The following FGF13 variants were observed in gnomAD, a reference collection of about 807,000 sequenced individuals.
The protein encoded by FGF13 is fibroblast growth factor homologous factor 2.
Under a neutral mutation model 19.5 loss-of-function variants are expected in FGF13, and 2 were observed. That is an observed-to-expected ratio of 0.10 (90% CI 0.04 to 0.32). The LOEUF (loss-of-function observed/expected upper bound fraction) is 0.32. Ranked by LOEUF, FGF13 falls within the 10% of genes least tolerant of loss-of-function variation. The pLI is 1.00. For missense variants in FGF13, 113 were observed against 192.7 expected, an observed-to-expected ratio of 0.59 and a Z score of 2.45; for synonymous variants, 72 against 76.9, an observed-to-expected ratio of 0.94 and a Z score of 0.33.
At position 138,627,996 on chromosome X, in the gene FGF13, A is replaced by T. The variant is rs1015367433; in HGVS notation, c.*4854T>A. On this transcript the variant is annotated 3_prime_UTR_variant, in exon 5 of 5. Transcript: ENST00000315930. Reference sequence around the variant, plus strand: ...TAGATTATTGTTCTCTGTGCAACAAATTCAAACCAACCTCTAAAGAGTAAC... The same window carrying T: ...TAGATTATTGTTCTCTGTGCAACAATTTCAAACCAACCTCTAAAGAGTAAC... The T allele has an allele frequency of 1.8e-5, 2 of 111,947 alleles. No individual in the cohort carries two copies. The highest frequency in any genetic ancestry group is 3.8e-5 in the Non-Finnish European group (2 of 53,268). 9.2% of individuals were successfully genotyped at this position (111,947 alleles called of 1,213,427 possible).
intron 1 of FGF13, among the ~76,000 whole-genome samples, chrX:139,180,498 T>C (rs1486135374): frequency 8.9e-6 from 1 of 112,117 alleles, no homozygotes; most frequent in Non-Finnish European, 1.9e-5. Context: ...TCTGAAATAT[T>C]ACAAATTATT....
chrX:138,719,940 G>C lies in FGF13; in HGVS notation c.29-11012C>G, dbSNP rs751868587. On this transcript the variant is annotated intron_variant, in intron 1 of 4. Transcript: ENST00000305414. ...TGATTTCATTTTAGAGAAGAGATCTGAGGCAAGAGAAGTTGAATACATTTG... is the reference window on the plus strand; with the variant it reads ...TGATTTCATTTTAGAGAAGAGATCTCAGGCAAGAGAAGTTGAATACATTTG... 3.2e-3 allele frequency among the ~76,000 whole-genome samples: 356 copies of C among 112,995 alleles called. 1 individual carries two copies. The highest frequency in any genetic ancestry group is 5.4e-3 in the Non-Finnish European group (287 of 53,335).
At chrX:139,187,053 C>T (rs1182052875) in intron 1 of FGF13, among the ~76,000 whole-genome samples, 1 of 112,974 alleles carries the variant, frequency 8.9e-6, no homozygotes, top group Non-Finnish European at 1.9e-5. Flanking sequence ...CAGGGACACT[C>T]TGTAGCTTGG....
At chrX:138,699,775 A>G (rs890182549) in intron 3 of FGF13, among the ~76,000 whole-genome samples, 1 of 111,911 alleles carries the variant, frequency 8.9e-6, no homozygotes, top group African/African-American at 3.3e-5. Flanking sequence ...ATATTTTCAT[A>G]ACTATTTCCA....
chrX:139,037,617 T>C (rs974364557), intron 1 of FGF13, among the ~76,000 whole-genome samples: 10 of 111,674 alleles, frequency 9.0e-5, no homozygotes, highest in Middle Eastern at 4.3e-3. Context: ...TTTGCATTCC[T>C]TGGCTCATAG....
At chrX:139,056,405 T>G (rs901311457) in intron 1 of FGF13, among the ~76,000 whole-genome samples, 1 of 112,048 alleles carries the variant, frequency 8.9e-6, no homozygotes, top group African/African-American at 3.2e-5. Context: ...AGGGCAGTCA[T>G]CACAAAATAA....
rs944296607 is a variant in FGF13 at position 138,629,146 on chromosome X, A to G, written c.*3704T>C. 1 of 111,766 alleles carries G rather than the reference A, an allele frequency of 8.9e-6. No individual in the cohort carries two copies. The highest frequency in any genetic ancestry group is 1.9e-5 in the Non-Finnish European group (1 of 53,188). The allele number at this position is 111,766 out of a possible 1,213,427, so 9.2% of individuals were successfully genotyped here. A position where few individuals can be genotyped will look rare whatever the true frequency, so the allele number is the denominator to read the frequency against. The stretch of plus-strand genomic sequence containing the variant: ...AGGCCAAGCTTAAAACAAAAGAAGC[A>G]TATAAAACACCACAGGTGATTCAGG... On this transcript the variant is annotated 3_prime_UTR_variant, in exon 5 of 5. Transcript: ENST00000315930.
intron 1 of FGF13, among the ~76,000 whole-genome samples, chrX:139,148,188 A>G (rs1175080727): frequency 9.0e-6 from 1 of 111,157 alleles, no homozygotes; most frequent in Non-Finnish European, 1.9e-5. Flanking sequence ...AAGGAAAATG[A>G]GAGACAGAAG....
intron 1 of FGF13, among the ~76,000 whole-genome samples, chrX:139,064,087 A>G (rs1405590326): frequency 9.0e-6 from 1 of 110,659 alleles, no homozygotes; most frequent in Admixed American, 9.7e-5. Context: ...TGTATCATTA[A>G]GTAATGTCCT....
At chrX:138,949,153 G>C (rs937506362) in intron 1 of FGF13, among the ~76,000 whole-genome samples, 2 of 111,882 alleles carry the variant, frequency 1.8e-5, no homozygotes. Flanking sequence ...ATCTGGAAAA[G>C]ACATTATATT....
chrX:139,080,297 A>G (rs2083362077), intron 1 of FGF13, among the ~76,000 whole-genome samples: 1 of 111,463 alleles, frequency 9.0e-6, no homozygotes, highest in Non-Finnish European at 1.9e-5. Context: ...GGTAACATAC[A>G]TGTGCTTCTT....
chrX:138,657,927 G>A (rs73241059), intron 3 of FGF13, among the ~76,000 whole-genome samples: 10,656 of 111,702 alleles, frequency 0.095, 396 homozygotes, highest in Middle Eastern at 0.16. Flanking sequence ...TAAAGGTCTT[G>A]CCTTATAGAG....
intron 1 of FGF13, among the ~76,000 whole-genome samples, chrX:139,127,792 G>A (rs1209028319): frequency 9.0e-6 from 1 of 111,289 alleles, no homozygotes; most frequent in South Asian, 3.8e-4. Context: ...CCTTTCAGGG[G>A]CAAGTAAGCC....
At chrX:139,036,319 C>A (rs143799314) in intron 1 of FGF13, among the ~76,000 whole-genome samples, 2,300 of 111,127 alleles carry the variant, frequency 0.021, 74 homozygotes, top group African/African-American at 0.071. Flanking sequence ...TTCTGCTCTA[C>A]CTCATCCTCC....
chrX:138,944,427 C>T (rs2124277591), intron 1 of FGF13, among the ~76,000 whole-genome samples: 1 of 109,440 alleles, frequency 9.1e-6, no homozygotes, highest in East Asian at 2.9e-4. Context: ...GGAATTATAT[C>T]ATCTTATTGT....
intron 1 of FGF13, among the ~76,000 whole-genome samples, chrX:139,044,489 G>A (rs761142803): frequency 2.7e-5 from 3 of 111,454 alleles, no homozygotes; most frequent in South Asian, 3.8e-4. Flanking sequence ...ACCAGGTCCC[G>A]TCTCCAGCAT....
chrX:138,637,165 A>G (rs922547858), intron 3 of FGF13, among the ~76,000 whole-genome samples: 2 of 112,097 alleles, frequency 1.8e-5, no homozygotes, highest in African/African-American at 6.5e-5. Flanking sequence ...CTCAAGAAGC[A>G]ATGTACTTCT....
chrX:138,801,811 G>T (rs989508462), intron 3 of FGF13, among the ~76,000 whole-genome samples: 1 of 112,301 alleles, frequency 8.9e-6, no homozygotes, highest in Non-Finnish European at 1.9e-5. Context: ...GAGGCAGTCT[G>T]TCCACAGCTG....
At chrX:138,636,231 CAGAA>C (rs2089182966) in intron 3 of FGF13, among the ~76,000 whole-genome samples, 1 of 111,562 alleles carries the variant, frequency 9.0e-6, no homozygotes, top group South Asian at 3.7e-4. Context: ...TGACTTGAGA[CAGAA>C]AGAAAAATTC....
Sources: allele counts gnomAD v4.1 joint callset (sites outside exome capture counted in the v4.1 genomes callset), GRCh38; gene constraint gnomAD v4.1.1; transcripts MANE v1.5; gene names NCBI Gene and HGNC (gene_info 2026-07-23, HGNC 2026-07-21).